Variants in MORC4 observed in about 807,000 individuals in gnomAD.
MORC4 encodes MORC family CW-type zinc finger 4, also known as MORC family CW-type zinc finger protein 4.
Under a neutral mutation model 65.5 loss-of-function variants are expected in MORC4, and 22 were observed. The ratio of observed to expected loss-of-function variants is 0.34; its 90% CI spans 0.24 to 0.48. MORC4 has a LOEUF of 0.48. Among genes scored for constraint, MORC4 ranks in the 20% least tolerant of loss-of-function variants. The pLI is 0.99. For synonymous variants in MORC4, 267 were observed against 255.8 expected, an observed-to-expected ratio of 1.04 and a Z score of -0.42; for missense variants, 624 against 703.0, an observed-to-expected ratio of 0.89 and a Z score of 1.27.
At chrX:106,961,291 T>G (rs371688331) in intron 10 of MORC4, among the ~76,000 whole-genome samples, 1 of 112,385 alleles carries the variant, frequency 8.9e-6, no homozygotes, top group East Asian at 2.8e-4. Flanking sequence ...ATCCAGATTT[T>G]CAACCCAGGA....
rs773689306 is a variant in MORC4 at position 106,999,265 on chromosome X, T to C, written c.175+412A>G. On this transcript the variant is annotated intron_variant, in intron 2 of 16. Transcript: ENST00000355610. ...TTAAGGAACTCCGCTTTCCAGACCT[T>C]TCCCCAGGACCCGCCTCGGTCCTCT... Among the ~76,000 whole-genome samples the C allele has an allele frequency of 4.5e-5, 5 of 111,112 alleles. No homozygotes were observed. The South Asian group carries it at 1.9e-3, about 43-fold the overall frequency.
intron 14 of MORC4, among the ~76,000 whole-genome samples, chrX:106,944,529 T>C (rs1933776927): frequency 9.0e-6 from 1 of 111,591 alleles, no homozygotes; most frequent in Non-Finnish European, 1.9e-5. Flanking sequence ...TGTCCTTAAC[T>C]ATCTTCTCTT....
chrX:106,972,759 A>G (rs1302136823), intron 9 of MORC4, among the ~76,000 whole-genome samples: 1 of 111,627 alleles, frequency 9.0e-6, no homozygotes, highest in East Asian at 2.8e-4. Flanking sequence ...ACCAACATGG[A>G]GAAACCCCGT....
At chrX:106,943,717 C>T (rs991528253) in intron 14 of MORC4, among the ~76,000 whole-genome samples, 1 of 112,606 alleles carries the variant, frequency 8.9e-6, no homozygotes, top group Non-Finnish European at 1.9e-5. Flanking sequence ...AATTCTTTCA[C>T]CAGCCCACTG....
intron 14 of MORC4, among the ~76,000 whole-genome samples, chrX:106,944,897 T>C (rs1207237946): frequency 9.0e-6 from 1 of 111,418 alleles, no homozygotes; most frequent in Non-Finnish European, 1.9e-5. Flanking sequence ...AGTCTCCCCT[T>C]CTCTTACCTC....
chrX:106,960,640 G>A (rs1190694494), intron 10 of MORC4, among the ~76,000 whole-genome samples: 1 of 111,880 alleles, frequency 8.9e-6, no homozygotes, highest in East Asian at 2.8e-4. Context: ...TGACATATAA[G>A]TAAGCGTTCA....
In MORC4 at chrX:106,980,884, A is replaced by C; in HGVS notation, c.936+7T>G. On this transcript the variant is annotated splice_region_variant and intron_variant, in intron 7 of 16. Transcript: ENST00000355610. ...AACTTCATGTAGTGGTACACTTGTAAGGATACTGTGAAGGTAGGTTTATAT... is the reference window on the plus strand; with the variant it reads ...AACTTCATGTAGTGGTACACTTGTACGGATACTGTGAAGGTAGGTTTATAT... 8.3e-7 allele frequency: 1 copy of C among 1,203,890 alleles called. No homozygotes were observed. The highest frequency in any genetic ancestry group is 1.8e-5 in the South Asian group (1 of 56,614).
chrX:106,999,660 C>T lies in MORC4; in HGVS notation c.175+17G>A, dbSNP rs753715849. 3.4e-5 allele frequency: 38 copies of T among 1,126,825 alleles called. No individual in the cohort carries two copies. Among genetic ancestry groups the T allele is most frequent in the Non-Finnish European group, 4.4e-5 (38 of 854,613 alleles). 92.9% of individuals were successfully genotyped at this position (1,126,825 alleles called of 1,213,427 possible). ...CTGCCTCGGGCGAACACGGCCGGGC[C>T]CGCCCTCGCCACTCACCTAGCAGCT... On this transcript the variant is annotated intron_variant, in intron 2 of 16. Coordinates refer to ENST00000355610, the MANE Select transcript of MORC4 (RefSeq NM_024657.5).
At chrX:106,955,227 A>C (rs1602480793) in intron 13 of MORC4, 139 bp from the exon 14 acceptor site, 2 of 467,342 alleles carry the variant, frequency 4.3e-6, no homozygotes, top group East Asian at 7.6e-5. Flanking sequence ...AACAGTGTGC[A>C]GTAATGTACA....
rs367543482 is a variant in MORC4 at position 106,993,384 on chromosome X, G to T, written c.176-22C>A. ...TTATCTGCAAAAGGTAGAAATCTGC[G>T]ATATTAGATCCCCTTTTCCAATATT... On this transcript the variant is annotated intron_variant, in intron 2 of 16. Transcript: ENST00000355610. The T allele has an allele frequency of 3.3e-6, 4 of 1,194,885 alleles. No homozygotes were observed. The East Asian group carries it at 1.2e-4, about 35-fold the overall frequency.
intron 9 of MORC4, among the ~76,000 whole-genome samples, chrX:106,972,420 C>T (rs1303087833): frequency 9.0e-6 from 1 of 110,632 alleles, no homozygotes; most frequent in East Asian, 2.8e-4. Flanking sequence ...ACCTACATAA[C>T]AAAATTGCAC....
rs775958554 is a variant in MORC4, at chrX:106,956,653, A to G, written c.1455-119T>C. On this transcript the variant is annotated intron_variant, in intron 12 of 16. Coordinates refer to ENST00000355610, the MANE Select transcript of MORC4 (RefSeq NM_024657.5). Reference sequence around the variant, plus strand: ...CCAAATTACAAATACTGTGAGCCTCATTGAGTAACTGAGGGTGCCTTTCTG... The same window carrying G: ...CCAAATTACAAATACTGTGAGCCTCGTTGAGTAACTGAGGGTGCCTTTCTG... The G allele has an allele frequency of 1.3e-4, 82 of 640,975 alleles. No homozygotes were observed. In the Middle Eastern group the frequency reaches 1.4e-3, roughly 11 times the overall value. 52.8% of individuals were successfully genotyped at this position (640,975 alleles called of 1,213,427 possible). A position where few individuals can be genotyped will look rare whatever the true frequency, so the allele number is the denominator to read the frequency against.
intron 10 of MORC4, 61 bp downstream of exon 10, chrX:106,961,951 C>A (rs1211096102): frequency 1.1e-6 from 1 of 936,663 alleles, no homozygotes; most frequent in South Asian, 2.1e-5. Flanking sequence ...TACCCTTGTT[C>A]CTTCCATTTG....
chrX:106,993,293 G>C lies in MORC4; in HGVS notation c.245C>G (p.Ser82Cys), dbSNP rs1221552288. ...FIDVEEVKNKSCLTFTDDGCG... is the reference protein window; with the variant it reads ...FIDVEEVKNKCCLTFTDDGCG... ...TCCATCATCGGTAAAGGTCAAACAA[G>C]ATTTATTCTTGACCTCCTCAACATC... The change falls in exon 3 of 17, where the codon TCT becomes TGT. Residue 82 changes from serine to cysteine, a missense_variant. Coordinates refer to ENST00000355610, the MANE Select transcript of MORC4 (RefSeq NM_024657.5). 6 of 1,206,956 alleles carry C rather than the reference G, an allele frequency of 5.0e-6. No homozygotes were observed. The African/African-American group carries it at 1.0e-4, about 21-fold the overall frequency.
intron 3 of MORC4, among the ~76,000 whole-genome samples, chrX:106,987,579 C>T (rs1934897360): frequency 9.0e-6 from 1 of 111,617 alleles, no homozygotes; most frequent in Admixed American, 9.5e-5. Flanking sequence ...TGCTTCTCAA[C>T]ATCAATAAAA....
At chrX:106,942,463 C>T in intron 15 of MORC4, 52 bp downstream of exon 15, 4 of 1,079,246 alleles carry the variant, frequency 3.7e-6, no homozygotes, top group Non-Finnish European at 5.0e-6. Flanking sequence ...CAATGTCCCG[C>T]TCCCTTGGTT....
intron 5 of MORC4, among the ~76,000 whole-genome samples, chrX:106,982,744 T>C (rs750631137): frequency 4.5e-5 from 5 of 111,841 alleles, no homozygotes; most frequent in South Asian, 7.6e-4. Flanking sequence ...GGATTAGAGG[T>C]GTGAGCCACC....
At chrX:106,969,238 T>G (rs1263835148) in intron 9 of MORC4, among the ~76,000 whole-genome samples, 1 of 111,500 alleles carries the variant, frequency 9.0e-6, no homozygotes, top group Non-Finnish European at 1.9e-5. Flanking sequence ...GGGTAAATAA[T>G]GAAATGAAAG....
Position 106,978,213 on chromosome X carries a change from C to T in MORC4, c.937-14G>A, listed in dbSNP as rs766890859. The stretch of plus-strand genomic sequence containing the variant: ...CACCTGCTTATTCTGAGAAGAACAT[C>T]GTTAAGGAGACAAACATACCAGGGG... On this transcript the variant is annotated splice_polypyrimidine_tract_variant and intron_variant, in intron 7 of 16. Transcript: ENST00000355610. The T allele has an allele frequency of 2.5e-6, 3 of 1,193,591 alleles. No individual in the cohort carries two copies. The highest frequency in any genetic ancestry group is 3.4e-6 in the Non-Finnish European group (3 of 887,164).
Sources: allele counts gnomAD v4.1 joint callset (sites outside exome capture counted in the v4.1 genomes callset), GRCh38; gene constraint gnomAD v4.1.1; transcripts MANE v1.5; gene names NCBI Gene and HGNC (gene_info 2026-07-23, HGNC 2026-07-21).